SLC2A9: variants seen among roughly 807,000 people sequenced by gnomAD.
SLC2A9 encodes the protein solute carrier family 2 member 9.
Under a neutral mutation model 50.6 loss-of-function variants are expected in SLC2A9, and 39 were observed. The ratio of observed to expected loss-of-function variants is 0.77; its 90% CI spans 0.60 to 1.01. The LOEUF is 1.01. SLC2A9 is among the 50% of genes least tolerant of loss of function. SLC2A9 has a pLI of 0.00. For synonymous variants in SLC2A9, 324 were observed against 276.9 expected (o/e 1.17, Z -1.69); for missense variants, 686 against 677.6 (o/e 1.01, Z -0.14).
At chr4:10,027,473 G>A (rs548403111) in intron 1 of SLC2A9, among the ~76,000 whole-genome samples, 24 of 152,002 alleles carry the variant, frequency 1.6e-4, no homozygotes, top group African/African-American at 5.1e-4. Flanking sequence ...CCTCAGCACC[G>A]CACCATTAAA....
At chr4:9,813,327 G>A (rs1723126060) in intron 3 of SLC2A9, among the ~76,000 whole-genome samples, 1 of 152,128 alleles carries the variant, frequency 6.6e-6, no homozygotes, top group East Asian at 1.9e-4. Flanking sequence ...ACAGTTTACT[G>A]TTCTCTGAAT....
intron 3 of SLC2A9, among the ~76,000 whole-genome samples, chr4:9,988,828 G>A (rs1757185106): frequency 6.6e-6 from 1 of 152,236 alleles, no homozygotes; most frequent in South Asian, 2.1e-4. Flanking sequence ...AGTGTCAAAG[G>A]GGCTGGAGAC....
chr4:9,860,294 C>G (rs1472208080), intron 10 of SLC2A9, among the ~76,000 whole-genome samples: 1 of 152,320 alleles, frequency 6.6e-6, no homozygotes, highest in East Asian at 1.9e-4. Context: ...ACAGCCCCTG[C>G]CCAGCCATCT....
chr4:9,821,962 G>C (rs559688106), downstream of SLC2A9, among the ~76,000 whole-genome samples: 15 of 152,322 alleles, frequency 9.8e-5, no homozygotes, highest in African/African-American at 3.4e-4. Flanking sequence ...ACTTTTGATA[G>C]TGTCTTTTGA....
intron 10 of SLC2A9, among the ~76,000 whole-genome samples, chr4:9,844,872 T>C (rs1345319173): frequency 6.6e-6 from 1 of 152,236 alleles, no homozygotes; most frequent in Non-Finnish European, 1.5e-5. Flanking sequence ...TAAATGAGAC[T>C]GTGCTTAGCA....
intron 5 of SLC2A9, among the ~76,000 whole-genome samples, chr4:9,972,811 G>A (rs1451924217): frequency 1.3e-5 from 2 of 152,288 alleles, no homozygotes; most frequent in African/African-American, 4.8e-5. Context: ...TAAGAAGAAT[G>A]TTTAGAGTGC....
At chr4:9,800,197 T>A (rs1721204399) in intron 3 of SLC2A9, among the ~76,000 whole-genome samples, 1 of 152,178 alleles carries the variant, frequency 6.6e-6, no homozygotes, top group African/African-American at 2.4e-5. Context: ...AAGCTTGAAC[T>A]CAGTGCAGAA....
rs561708068 is a variant in SLC2A9 at position 9,905,892 on chromosome 4, A to T, written c.1113+2343T>A. Among the ~76,000 whole-genome samples, 27 of 152,236 alleles carry T rather than the reference A, an allele frequency of 1.8e-4. No homozygotes were observed. The South Asian group carries it at 3.1e-3, about 18-fold the overall frequency. The stretch of plus-strand genomic sequence containing the variant: ...TCTTTCCCCACTCTCTTGGGTTCTG[A>T]GCCAGCTGACTGTGTGACCCAGAGT... On this transcript the variant is annotated intron_variant, in intron 8 of 11. Coordinates refer to ENST00000264784, the MANE Select transcript of SLC2A9 (RefSeq NM_020041.3).
chr4:10,006,910 T>TC (rs1355377849), intron 2 of SLC2A9, among the ~76,000 whole-genome samples: 2 of 151,842 alleles, frequency 1.3e-5, no homozygotes, highest in African/African-American at 2.4e-5. Context: ...AACCCTGGAC[T>TC]CCAAGTCTCT....
intron 10 of SLC2A9, among the ~76,000 whole-genome samples, chr4:9,838,135 C>T (rs1727390768): frequency 6.6e-6 from 1 of 152,090 alleles, no homozygotes; most frequent in Non-Finnish European, 1.5e-5. Context: ...TTATATCCCC[C>T]ATTTTATGAT....
At chr4:9,879,773 G>GA (rs1734897418) in intron 10 of SLC2A9, 2 of 985,282 alleles carry the variant, frequency 2.0e-6, no homozygotes, top group Non-Finnish European at 2.4e-6. Flanking sequence ...TTTAAAACTG[G>GA]AATTGACACA....
intron 10 of SLC2A9, among the ~76,000 whole-genome samples, chr4:9,878,161 A>T (rs916237454): frequency 5.6e-4 from 85 of 151,554 alleles, no homozygotes; most frequent in African/African-American, 1.8e-3. Flanking sequence ...TATATATATA[A>T]AATTGCAATA....
chr4:9,985,340 C>T (rs1481118825), intron 4 of SLC2A9, among the ~76,000 whole-genome samples: 3 of 152,092 alleles, frequency 2.0e-5, no homozygotes, highest in Non-Finnish European at 4.4e-5. Context: ...TCATAAAAGC[C>T]CCATGAAAAC....
In SLC2A9 at chr4:9,915,688, G is replaced by A. The variant is rs536265753; in HGVS notation, c.1002+4697C>T. ...CATGCAGGCAGATGACCCCAAGCCTGGCACTCTTGACCACAGTTCAGGGTG... is the reference window on the plus strand; with the variant it reads ...CATGCAGGCAGATGACCCCAAGCCTAGCACTCTTGACCACAGTTCAGGGTG... On this transcript the variant is annotated intron_variant, in intron 7 of 11. Coordinates refer to ENST00000264784, the MANE Select transcript of SLC2A9 (RefSeq NM_020041.3). Among the ~76,000 whole-genome samples the A allele has an allele frequency of 5.9e-5, 9 of 152,276 alleles. No individual in the cohort carries two copies. In the South Asian group the frequency reaches 1.9e-3, roughly 32 times the overall value.
At chr4:9,904,285 C>T (rs969107019) in intron 8 of SLC2A9, among the ~76,000 whole-genome samples, 1 of 152,214 alleles carries the variant, frequency 6.6e-6, no homozygotes, top group South Asian at 2.1e-4. Flanking sequence ...CTGGTTCCTT[C>T]TGGAGGCTCC....
At chr4:10,018,496 C>T (rs894381333) in intron 2 of SLC2A9, among the ~76,000 whole-genome samples, 4 of 151,966 alleles carry the variant, frequency 2.6e-5, no homozygotes, top group Non-Finnish European at 5.9e-5. Context: ...GAGCCGAGAT[C>T]GCACCACTGC....
rs2280205 is a variant in SLC2A9, at chr4:9,908,299, G to A, written c.1049C>T (p.Pro350Leu). The change falls in exon 8 of 12, where the codon CCG becomes CTG. Residue 350 changes from proline (P) to leucine (L), a missense_variant. Pro to Leu is a moderately conservative substitution (Grantham distance 98). Coordinates refer to ENST00000264784, the MANE Select transcript of SLC2A9 (RefSeq NM_020041.3). Reference protein sequence around the residue: ...NSIFGKAGIPPAKIPYVTLST... With the variant: ...NSIFGKAGIPLAKIPYVTLST... Reference sequence around the variant, plus strand: ...CAAGGTGACGTATGGGATCTTTGCCGGAGGGATCCCAGCTTTTCCAAAGAT... The same window carrying A: ...CAAGGTGACGTATGGGATCTTTGCCAGAGGGATCCCAGCTTTTCCAAAGAT... 0.49 allele frequency: 784,365 copies of A among 1,612,430 alleles called. 199,977 individuals are homozygous for A. The highest frequency in any genetic ancestry group is 0.53 in the Non-Finnish European group (619,960 of 1,178,640).
rs536337093 is a variant in SLC2A9 at position 9,896,243 on chromosome 4, C to T, written c.1114-5532G>A. 2.6e-5 allele frequency among the ~76,000 whole-genome samples: 4 copies of T among 152,334 alleles called. No individual in the cohort carries two copies. In the South Asian group the frequency reaches 8.3e-4, roughly 32 times the overall value. On this transcript the variant is annotated intron_variant, in intron 8 of 11. Coordinates refer to ENST00000264784, the MANE Select transcript of SLC2A9 (RefSeq NM_020041.3). ...GCAGTGGATGAGCCTTCCTGTTACTCCACATCCTTGGCAACACGTGGTATT... is the reference window on the plus strand; with the variant it reads ...GCAGTGGATGAGCCTTCCTGTTACTTCACATCCTTGGCAACACGTGGTATT...
At chr4:9,844,975 C>T (rs975923548) in intron 10 of SLC2A9, among the ~76,000 whole-genome samples, 2 of 152,190 alleles carry the variant, frequency 1.3e-5, no homozygotes, top group Non-Finnish European at 2.9e-5. Flanking sequence ...TTTCTCCCTC[C>T]TCTCTATTTT....
Sources: allele counts gnomAD v4.1 joint callset (sites outside exome capture counted in the v4.1 genomes callset), GRCh38; gene constraint gnomAD v4.1.1; transcripts MANE v1.5; gene names NCBI Gene and HGNC (gene_info 2026-07-23, HGNC 2026-07-21).